Variants in RIMS1 observed in about 807,000 individuals in gnomAD.
The protein encoded by RIMS1 is regulating synaptic membrane exocytosis 1, also known as regulating synaptic membrane exocytosis protein 1.
A neutral mutation model predicts 214.1 loss-of-function variants in RIMS1; 83 were observed. The observed-to-expected ratio is 0.39, with a 90% CI of 0.32 to 0.47. RIMS1 has a LOEUF of 0.47. RIMS1 is among the 20% of genes least tolerant of loss of function. The pLI is 0.99. For missense variants in RIMS1, 2,050 were observed against 2,161.8 expected, an observed-to-expected ratio of 0.95 and a Z score of 1.03; for synonymous variants, 793 against 786.8, an observed-to-expected ratio of 1.01 and a Z score of -0.13.
intron 31 of RIMS1, among the ~76,000 whole-genome samples, chr6:72,393,779 A>T (rs1268755798): frequency 6.6e-6 from 1 of 152,026 alleles, no homozygotes; most frequent in African/African-American, 2.4e-5. Context: ...TTTTCATTGG[A>T]TTCTTCAATA....
At chr6:72,351,916 GATATGCCTCACTTTATTAGTCCCATTT>G (rs1205044272) in intron 29 of RIMS1, among the ~76,000 whole-genome samples, 4 of 152,094 alleles carry the variant, frequency 2.6e-5, no homozygotes, top group African/African-American at 4.8e-5. Flanking sequence ...CATCTTCAGT[GATATGCCTCACTTTATTAGTCCCATTT>G]ACTTATGAGG....
intron 27 of RIMS1, among the ~76,000 whole-genome samples, chr6:72,310,636 A>G (rs2095464047): frequency 1.3e-5 from 2 of 152,042 alleles, no homozygotes; most frequent in African/African-American, 2.4e-5. Flanking sequence ...TCTCACATCA[A>G]TGACTTATTT....
intron 1 of RIMS1, among the ~76,000 whole-genome samples, chr6:71,954,213 A>G (rs1790494835): frequency 6.6e-6 from 1 of 152,236 alleles, no homozygotes; most frequent in African/African-American, 2.4e-5. Flanking sequence ...TTGGTTCTAC[A>G]GAGAATGTAG....
At chr6:72,001,927 A>G (rs1805396751) in intron 2 of RIMS1, among the ~76,000 whole-genome samples, 1 of 152,206 alleles carries the variant, frequency 6.6e-6, no homozygotes, top group South Asian at 2.1e-4. Flanking sequence ...GGATATGGAA[A>G]TCCTCAAAAG....
At chr6:72,224,090 C>T (rs553385479) in intron 6 of RIMS1, among the ~76,000 whole-genome samples, 12 of 152,088 alleles carry the variant, frequency 7.9e-5, no homozygotes, top group Middle Eastern at 3.4e-3. Context: ...TGAGAATCAT[C>T]GTCACCATGA....
At chr6:72,104,431 C>T (rs2034298936) in intron 4 of RIMS1, among the ~76,000 whole-genome samples, 1 of 152,200 alleles carries the variant, frequency 6.6e-6, no homozygotes, top group African/African-American at 2.4e-5. Flanking sequence ...ATATATGCCA[C>T]ATACCTGCCA....
chr6:72,232,800 G>T (rs2062504325), intron 6 of RIMS1, among the ~76,000 whole-genome samples: 1 of 151,624 alleles, frequency 6.6e-6, no homozygotes, highest in Non-Finnish European at 1.5e-5. Context: ...GTAGCATTTT[G>T]TTTATAGTGC....
intron 1 of RIMS1, among the ~76,000 whole-genome samples, chr6:71,939,054 C>T (rs1785280794): frequency 6.6e-6 from 1 of 152,168 alleles, no homozygotes; most frequent in Non-Finnish European, 1.5e-5. Context: ...TTAGGTATTT[C>T]TTCTATCAGA....
In RIMS1 at chr6:72,262,559, T is replaced by A. The variant is rs1034170193; in HGVS notation, c.3116+1792T>A. 3.1e-6 allele frequency: 3 copies of A among 983,120 alleles called. No homozygotes were observed. The African/African-American group carries it at 5.2e-5, about 17-fold the overall frequency. The allele number at this position is 983,120 out of a possible 1,614,324, so 60.9% of individuals were successfully genotyped here. On this transcript the variant is annotated intron_variant, in intron 19 of 33. Coordinates refer to ENST00000521978, the MANE Select transcript of RIMS1 (RefSeq NM_014989.7). ...TCTCTAATGTGTAATGCTAAAAGTA[T>A]GGAGATAGAGACAACATGAGTTCAA...
At chr6:71,980,461 T>C (rs563494130) in intron 2 of RIMS1, among the ~76,000 whole-genome samples, 1 of 152,226 alleles carries the variant, frequency 6.6e-6, no homozygotes, top group East Asian at 1.9e-4. Flanking sequence ...ACATTGAATA[T>C]ATAGTCTGAT....
At chr6:72,399,198 G>A (rs539512644) in intron 33 of RIMS1, 104 bp downstream of exon 33, 5 of 957,974 alleles carry the variant, frequency 5.2e-6, no homozygotes, top group Non-Finnish European at 7.3e-6. Context: ...AAAGATAAAT[G>A]TAGGATAATA....
intron 2 of RIMS1, among the ~76,000 whole-genome samples, chr6:72,044,101 T>A (rs982242170): frequency 6.6e-6 from 1 of 151,770 alleles, no homozygotes; most frequent in Admixed American, 6.6e-5. Context: ...ATAGGTTTTT[T>A]AATTAAGTGT....
intron 2 of RIMS1, among the ~76,000 whole-genome samples, chr6:71,978,512 A>G (rs767183518): frequency 4.2e-4 from 64 of 152,104 alleles, no homozygotes; most frequent in Non-Finnish European, 8.1e-4. Flanking sequence ...GATTTTTAAA[A>G]TATATGCTAG....
In RIMS1 at chr6:72,012,130, C is replaced by G. The variant is rs748580748; in HGVS notation, c.245+43067C>G. ...ATAAAGAAAATGTGGCACATATACA[C>G]CATGGAATACTATGCAGCCATAAAA... is the stretch of plus-strand genomic sequence containing the variant. On this transcript the variant is annotated intron_variant, in intron 2 of 33. Coordinates refer to ENST00000521978, the MANE Select transcript of RIMS1 (RefSeq NM_014989.7). Among the ~76,000 whole-genome samples, 447 of 152,294 alleles carry G rather than the reference C, an allele frequency of 2.9e-3. 2 individuals are homozygous for G. The highest frequency in any genetic ancestry group is 4.0e-3 in the Non-Finnish European group (270 of 68,028).
chr6:72,358,026 T>G (rs2097700847), intron 29 of RIMS1, among the ~76,000 whole-genome samples: 1 of 152,190 alleles, frequency 6.6e-6, no homozygotes, highest in Non-Finnish European at 1.5e-5. Context: ...ACACAGCTGG[T>G]GCCCGTTAGG....
At chr6:72,073,635 A>G (rs1222332056) in intron 2 of RIMS1, among the ~76,000 whole-genome samples, 1 of 152,354 alleles carries the variant, frequency 6.6e-6, no homozygotes, top group South Asian at 2.1e-4. Flanking sequence ...AAAGGGAAGC[A>G]TGTTAACTTT....
At chr6:72,086,383 A>G (rs1229624466) in intron 2 of RIMS1, among the ~76,000 whole-genome samples, 1 of 152,190 alleles carries the variant, frequency 6.6e-6, no homozygotes, top group African/African-American at 2.4e-5. Flanking sequence ...ACTTGGTAAG[A>G]GTTCAAGCTA....
At chr6:72,252,960 C>A in intron 16 of RIMS1, 128 bp downstream of exon 16, 3 of 645,600 alleles carry the variant, frequency 4.6e-6, no homozygotes, top group Admixed American at 2.9e-5. Context: ...TTATATTATT[C>A]CATGGTGACT....
At chr6:71,998,411 A>G (rs1234266252) in intron 2 of RIMS1, among the ~76,000 whole-genome samples, 1 of 152,008 alleles carries the variant, frequency 6.6e-6, no homozygotes, top group Non-Finnish European at 1.5e-5. Context: ...GTGCTGTGCT[A>G]TTATTCCTTA....
Sources: allele counts gnomAD v4.1 joint callset (sites outside exome capture counted in the v4.1 genomes callset), GRCh38; gene constraint gnomAD v4.1.1; transcripts MANE v1.5; gene names NCBI Gene and HGNC (gene_info 2026-07-23, HGNC 2026-07-21).